WWC1: variants seen among roughly 807,000 people sequenced by gnomAD.
WWC1 encodes the protein WW and C2 domain containing 1.
In WWC1, 55 loss-of-function variants were observed where a neutral mutation model predicts 138.4. The observed-to-expected ratio is 0.40, with a 90% CI of 0.32 to 0.50. The LOEUF is 0.50. Among genes scored for constraint, WWC1 ranks in the 20% least tolerant of loss-of-function variants. The pLI is 0.72. For synonymous variants in WWC1, 524 were observed against 564.9 expected, an observed-to-expected ratio of 0.93 and a Z score of 1.03; for missense variants, 1,226 against 1,420.4, an observed-to-expected ratio of 0.86 and a Z score of 2.20.
intron 21 of WWC1, among the ~76,000 whole-genome samples, chr5:168,466,703 G>A (rs12514426): frequency 0.12 from 18,239 of 152,182 alleles, 1,928 homozygotes; most frequent in East Asian, 0.27. Flanking sequence ...GCTTGAAGGA[G>A]GAGAGGAAAT....
At chr5:168,368,367 T>G (rs1036682989) in intron 1 of WWC1, among the ~76,000 whole-genome samples, 3 of 152,246 alleles carry the variant, frequency 2.0e-5, no homozygotes, top group African/African-American at 7.2e-5. Flanking sequence ...GTAGCTTGGA[T>G]GCACCACTGA....
intron 16 of WWC1, 126 bp downstream of exon 16, chr5:168,441,960 GAGA>G (rs1426357090): frequency 3.7e-6 from 5 of 1,359,652 alleles, no homozygotes; most frequent in East Asian, 2.6e-5. Context: ...GAGGAAGTAG[GAGA>G]AGAAGACAGG....
At chr5:168,384,016 A>G (rs2152817966) in intron 2 of WWC1, among the ~76,000 whole-genome samples, 1 of 152,236 alleles carries the variant, frequency 6.6e-6, no homozygotes, top group East Asian at 1.9e-4. Flanking sequence ...CATCTTTTTG[A>G]GAATGTACAT....
At chr5:168,296,500 T>A (rs1023101726) in intron 1 of WWC1, among the ~76,000 whole-genome samples, 15 of 152,264 alleles carry the variant, frequency 9.9e-5, no homozygotes, top group African/African-American at 3.6e-4. Context: ...GAGAAAAGGT[T>A]TTTGCACATA....
At chr5:168,332,925 T>A (rs1773159848) in intron 1 of WWC1, among the ~76,000 whole-genome samples, 2 of 152,172 alleles carry the variant, frequency 1.3e-5, no homozygotes, top group Admixed American at 1.3e-4. Context: ...GCCATGGTGG[T>A]CTCAAACTCC....
intron 1 of WWC1, among the ~76,000 whole-genome samples, chr5:168,304,991 A>G (rs1370538554): frequency 6.6e-6 from 1 of 151,814 alleles, no homozygotes; most frequent in Non-Finnish European, 1.5e-5. Context: ...ATGCCCAGCT[A>G]ATTTTGTATT....
At chr5:168,335,070 C>G (rs1350452005) in intron 1 of WWC1, among the ~76,000 whole-genome samples, 2 of 152,144 alleles carry the variant, frequency 1.3e-5, no homozygotes, top group Non-Finnish European at 2.9e-5. Context: ...AAGGTGCAAT[C>G]ATGCAACACA....
intron 21 of WWC1, among the ~76,000 whole-genome samples, chr5:168,465,585 GTT>G: frequency 1.8e-5 from 1 of 55,602 alleles, no homozygotes; most frequent in African/African-American, 8.9e-5. Context: ...TTGGAGATGG[GTT>G]TTCTCTCTGT....
intron 1 of WWC1, among the ~76,000 whole-genome samples, chr5:168,359,951 G>A (rs1775760383): frequency 6.6e-6 from 1 of 152,214 alleles, no homozygotes; most frequent in Non-Finnish European, 1.5e-5. Context: ...GCCAGCTTAA[G>A]AGTCCTGCTT....
intron 1 of WWC1, among the ~76,000 whole-genome samples, chr5:168,337,507 G>A (rs1003607680): frequency 5.3e-5 from 8 of 152,106 alleles, no homozygotes; most frequent in South Asian, 2.1e-4. Context: ...GACAGCCCCC[G>A]CCACAAAGAA....
intron 1 of WWC1, among the ~76,000 whole-genome samples, chr5:168,334,573 A>G (rs1292578210): frequency 6.6e-6 from 1 of 151,538 alleles, no homozygotes; most frequent in Non-Finnish European, 1.5e-5. Flanking sequence ...TTACAGTCTC[A>G]TGCTCCTGTG....
chr5:168,421,268 C>T (rs142531556), intron 9 of WWC1, among the ~76,000 whole-genome samples: 2 of 152,300 alleles, frequency 1.3e-5, no homozygotes, highest in East Asian at 3.9e-4. Flanking sequence ...CTTGGTCATA[C>T]GCCCTGCCCA....
intron 1 of WWC1, among the ~76,000 whole-genome samples, chr5:168,370,385 C>G (rs1392939462): frequency 6.6e-6 from 1 of 152,118 alleles, no homozygotes; most frequent in Non-Finnish European, 1.5e-5. Context: ...TGGAAGGAAG[C>G]CCTTGATGAG....
At position 168,292,044 on chromosome 5, in the gene WWC1, G is replaced by T; in HGVS notation, c.-109G>T. 1 of 1,334,562 alleles carries T rather than the reference G, an allele frequency of 7.5e-7. No individual in the cohort carries two copies. The highest frequency in any genetic ancestry group is 9.6e-7 in the Non-Finnish European group (1 of 1,037,478). The allele number at this position is 1,334,562 out of a possible 1,614,324, so 82.7% of individuals were successfully genotyped here. On this transcript the variant is annotated 5_prime_UTR_variant, in exon 1 of 23. Coordinates refer to ENST00000265293, the MANE Select transcript of WWC1 (RefSeq NM_015238.3). This position sits in a 1 kb window ranked among gnomAD's most constrained non-coding sequence, Gnocchi z 4.4. Reference sequence around the variant, plus strand: ...CCCCCATCTGCGGGCGCCACCCCCCGGATCATGGTGCCTCGGCGGCCGCCC... The same window carrying T: ...CCCCCATCTGCGGGCGCCACCCCCCTGATCATGGTGCCTCGGCGGCCGCCC...
At chr5:168,408,720 A>G in intron 7 of WWC1, 67 bp downstream of exon 7, 1 of 1,588,690 alleles carries the variant, frequency 6.3e-7, no homozygotes. Context: ...GCTGTAATGG[A>G]CAGCTGCCTT....
intron 1 of WWC1, among the ~76,000 whole-genome samples, chr5:168,300,825 C>T (rs1012753637): frequency 6.6e-6 from 1 of 152,128 alleles, no homozygotes; most frequent in Non-Finnish European, 1.5e-5. Flanking sequence ...CCCCTGGGAT[C>T]CACTGACGGG....
At chr5:168,442,788 G>GATT (rs1300803003) in intron 16 of WWC1, among the ~76,000 whole-genome samples, 1 of 146,176 alleles carries the variant, frequency 6.8e-6, no homozygotes, top group Non-Finnish European at 1.5e-5. Context: ...AGTGAGCCAA[G>GATT]ATTACACTGT....
chr5:168,330,343 T>G (rs950401503), intron 1 of WWC1, among the ~76,000 whole-genome samples: 1 of 152,118 alleles, frequency 6.6e-6, no homozygotes, highest in African/African-American at 2.4e-5. Flanking sequence ...CTTGAAAAAC[T>G]GGGATGTTCT....
Position 168,413,012 on chromosome 5 carries a change from T to C in WWC1, c.942-1336T>C, listed in dbSNP as rs574151868. On this transcript the variant is annotated intron_variant, in intron 8 of 22. Coordinates refer to ENST00000265293, the MANE Select transcript of WWC1 (RefSeq NM_015238.3). ...CCTGGGGAACAAGCAAATCTAGGTA[T>C]GTTTTTCTACATGGAATTTTTGCTG... is the stretch of plus-strand genomic sequence containing the variant. Among the ~76,000 whole-genome samples the C allele has an allele frequency of 1.8e-4, 27 of 152,306 alleles. No individual in the cohort carries two copies. The South Asian group carries it at 1.9e-3, about 11-fold the overall frequency.
Sources: gnomAD v4.1 joint callset for allele counts (sites outside exome capture counted in the v4.1 genomes callset) on GRCh38, gnomAD v4.1.1 for gene constraint, Gnocchi (gnomAD v3.1) non-coding constraint, MANE v1.5 for transcripts, NCBI Gene and HGNC (gene_info 2026-07-23, HGNC 2026-07-21) for gene names.